The following PDE4B variants were observed in gnomAD, a reference collection of about 807,000 sequenced individuals.
PDE4B encodes the protein 3',5'-cyclic-AMP phosphodiesterase 4B.
PDE4B carries 20 observed loss-of-function variants against 82.2 expected under a neutral mutation model. The ratio of observed to expected loss-of-function variants is 0.24; its 90% CI spans 0.17 to 0.35. The LOEUF (loss-of-function observed/expected upper bound fraction) is 0.35. Among genes scored for constraint, PDE4B ranks in the 10% least tolerant of loss-of-function variants. The pLI is 1.00. For missense variants in PDE4B, 655 were observed against 907.2 expected, an observed-to-expected ratio of 0.72 and a Z score of 3.57; for synonymous variants, 320 against 318.9, an observed-to-expected ratio of 1.00 and a Z score of -0.04.
At chr1:66,268,794 C>T (rs1655251818) in intron 7 of PDE4B, among the ~76,000 whole-genome samples, 1 of 151,372 alleles carries the variant, frequency 6.6e-6, no homozygotes, top group Admixed American at 6.6e-5. Flanking sequence ...AATGTCCTTA[C>T]TTTGCAAAGA....
intron 3 of PDE4B, among the ~76,000 whole-genome samples, chr1:65,986,483 A>G (rs1553128713): frequency 6.6e-6 from 1 of 152,240 alleles, no homozygotes; most frequent in Non-Finnish European, 1.5e-5. Flanking sequence ...AAAACTGCAC[A>G]AAATAATAAA....
chr1:66,266,778 A>C (rs763546683), intron 7 of PDE4B: 18 of 479,158 alleles, frequency 3.8e-5, no homozygotes. Context: ...CTTCACACAA[A>C]ATGCAACCAG....
At chr1:65,948,314 A>G (rs556903110) in intron 3 of PDE4B, among the ~76,000 whole-genome samples, 23 of 151,874 alleles carry the variant, frequency 1.5e-4, no homozygotes, top group African/African-American at 5.6e-4. Context: ...AATCATATAT[A>G]TATTATATAT....
chr1:66,005,096 G>T (rs915484689), intron 3 of PDE4B, among the ~76,000 whole-genome samples: 4 of 152,058 alleles, frequency 2.6e-5, no homozygotes, highest in African/African-American at 9.7e-5. Flanking sequence ...TGACTTAAGT[G>T]CCGCAGGTGT....
chr1:65,872,642 G>A lies in PDE4B; in HGVS notation c.-70-40603G>A, dbSNP rs530235291. ...ATTTTTAAAGGAGGACAGAATGACA[G>A]TGTTAATGGATGTGGAATTTTCTCT... is the stretch of plus-strand genomic sequence containing the variant. On this transcript the variant is annotated intron_variant, in intron 1 of 16. Coordinates refer to ENST00000341517, the MANE Select transcript of PDE4B (RefSeq NM_002600.4). Among the ~76,000 whole-genome samples, 13 of 152,308 alleles carry A rather than the reference G, an allele frequency of 8.5e-5. No individual in the cohort carries two copies. The South Asian group carries it at 2.5e-3, about 29-fold the overall frequency.
At chr1:66,344,889 C>T (rs142263567) in intron 8 of PDE4B, among the ~76,000 whole-genome samples, 7 of 152,326 alleles carry the variant, frequency 4.6e-5, no homozygotes, top group South Asian at 2.1e-4. Flanking sequence ...CATTTCTTCA[C>T]TTAAAGTTTA....
In PDE4B at chr1:65,918,812, T is replaced by A; in HGVS notation, c.258T>A (p.Ala86=). The A allele has an allele frequency of 6.2e-7, 1 of 1,610,970 alleles. No homozygotes were observed. Among genetic ancestry groups the A allele is most frequent in the East Asian group, 2.2e-5 (1 of 44,858 alleles). Residue 86 remains alanine (A), a synonymous_variant, in exon 3 of 17, where the codon GCT becomes GCA. Coordinates refer to ENST00000341517, the MANE Select transcript of PDE4B (RefSeq NM_002600.4). ...TLPLTTLPSI[A]ITTVSQECFD... is the part of the protein sequence containing the mutation. ...CTTTGACAACGCTTCCAAGCATTGC[T>A]ATTACAACTGTAAGCCAGGAGTGGT...
chr1:66,022,084 G>A lies in PDE4B; in HGVS notation c.281+103249G>A, dbSNP rs187051767. Among the ~76,000 whole-genome samples, 326 of 152,222 alleles carry A rather than the reference G, an allele frequency of 2.1e-3. 1 individual carries two copies. Among genetic ancestry groups the A allele is most frequent in the African/African-American group, 7.6e-3 (314 of 41,532 alleles). On this transcript the variant is annotated intron_variant, in intron 3 of 16. Coordinates refer to ENST00000341517, the MANE Select transcript of PDE4B (RefSeq NM_002600.4). Reference sequence around the variant, plus strand: ...ATTGTCTTTGAAGCAATTGTGAGTGGGAGTTCACTCGTGATTTGGCTCTCT... The same window carrying A: ...ATTGTCTTTGAAGCAATTGTGAGTGAGAGTTCACTCGTGATTTGGCTCTCT...
intron 3 of PDE4B, among the ~76,000 whole-genome samples, chr1:66,227,145 C>T (rs751260436): frequency 2.6e-5 from 4 of 152,144 alleles, no homozygotes; most frequent in East Asian, 1.9e-4. Context: ...AATTCTGTTT[C>T]GGCCATGTGG....
At chr1:65,918,545 T>G in intron 2 of PDE4B, 52 bp from the exon 3 acceptor site, 1 of 1,087,554 alleles carries the variant, frequency 9.2e-7, no homozygotes, top group Non-Finnish European at 1.4e-6. Flanking sequence ...CATTTAACAT[T>G]TGAATTTCAT....
intron 3 of PDE4B, among the ~76,000 whole-genome samples, chr1:65,978,648 T>C (rs923434838): frequency 2.0e-5 from 3 of 152,202 alleles, no homozygotes; most frequent in Non-Finnish European, 4.4e-5. Flanking sequence ...AATAAAAATA[T>C]CAAGAGTACT....
At chr1:65,919,137 C>G (rs538059288) in intron 3 of PDE4B, among the ~76,000 whole-genome samples, 7 of 152,120 alleles carry the variant, frequency 4.6e-5, no homozygotes, top group Non-Finnish European at 8.8e-5. Context: ...TTAAAAAGAG[C>G]TATACAGTGT....
chr1:66,078,670 T>C (rs1656557693), intron 3 of PDE4B, among the ~76,000 whole-genome samples: 1 of 152,178 alleles, frequency 6.6e-6, no homozygotes, highest in Admixed American at 6.5e-5. Flanking sequence ...GGGCAATTCG[T>C]CTTTTAAAAA....
At chr1:65,818,490 C>CCTTT (rs1376570316) in intron 1 of PDE4B, among the ~76,000 whole-genome samples, 1 of 151,804 alleles carries the variant, frequency 6.6e-6, no homozygotes, top group East Asian at 1.9e-4. Flanking sequence ...GTAATCTATT[C>CCTTT]CTTTCTTGTG....
chr1:65,834,995 C>A (rs1414936897), intron 1 of PDE4B, among the ~76,000 whole-genome samples: 1 of 152,148 alleles, frequency 6.6e-6, no homozygotes, highest in Non-Finnish European at 1.5e-5. Context: ...GCTCTCAACG[C>A]CTCTGGAATT....
At chr1:65,893,088 G>A (rs1353941007) in intron 1 of PDE4B, among the ~76,000 whole-genome samples, 1 of 152,048 alleles carries the variant, frequency 6.6e-6, no homozygotes. Flanking sequence ...TATCTAGGAG[G>A]CATTCTTTGG....
At chr1:65,832,229 A>G (rs1223584216) in intron 1 of PDE4B, among the ~76,000 whole-genome samples, 5 of 152,238 alleles carry the variant, frequency 3.3e-5, no homozygotes, top group African/African-American at 1.2e-4. Flanking sequence ...GCATATAGGA[A>G]CACATTCAGT....
intron 3 of PDE4B, among the ~76,000 whole-genome samples, chr1:65,948,312 A>G (rs1281952225): frequency 6.6e-6 from 1 of 151,784 alleles, no homozygotes; most frequent in African/African-American, 2.4e-5. Flanking sequence ...AGAATCATAT[A>G]TATATTATAT....
chr1:66,370,739 G>GA (rs2050728325), intron 16 of PDE4B, among the ~76,000 whole-genome samples: 1 of 152,162 alleles, frequency 6.6e-6, no homozygotes, highest in Non-Finnish European at 1.5e-5. Context: ...AACAAGCGAA[G>GA]AAAGGAAATG....
Sources: allele counts gnomAD v4.1 joint callset (sites outside exome capture counted in the v4.1 genomes callset), GRCh38; gene constraint gnomAD v4.1.1; transcripts MANE v1.5; gene names NCBI Gene and HGNC (gene_info 2026-07-23, HGNC 2026-07-21).